The following PDSS2 variants were observed in gnomAD, a reference collection of about 807,000 sequenced individuals.
PDSS2 encodes all trans-polyprenyl-diphosphate synthase PDSS2.
PDSS2 carries 31 observed loss-of-function variants against 44.5 expected under a neutral mutation model. The observed-to-expected ratio is 0.70, with a 90% CI of 0.52 to 0.94. The LOEUF (loss-of-function observed/expected upper bound fraction) is 0.94. PDSS2 is among the 40% of genes least tolerant of loss of function. The pLI, the probability that PDSS2 is intolerant of heterozygous loss-of-function variation, is 0.00. For missense variants in PDSS2, 452 were observed against 482.2 expected (o/e 0.94, Z 0.59); for synonymous variants, 157 against 180.3 (o/e 0.87, Z 1.03).
chr6:107,188,371 C>T (rs907993551), intron 7 of PDSS2, among the ~76,000 whole-genome samples: 5 of 149,292 alleles, frequency 3.3e-5, no homozygotes, highest in African/African-American at 4.9e-5. Context: ...AGAGTGAGAC[C>T]CTGTCTCAAA....
At chr6:107,401,654 A>G (rs768848155) in intron 1 of PDSS2, among the ~76,000 whole-genome samples, 4 of 152,222 alleles carry the variant, frequency 2.6e-5, no homozygotes, top group Non-Finnish European at 4.4e-5. Context: ...AGAAATCTGA[A>G]AACCAATACA....
At chr6:107,247,192 A>T (rs1774650341) in intron 3 of PDSS2, among the ~76,000 whole-genome samples, 1 of 152,236 alleles carries the variant, frequency 6.6e-6, no homozygotes, top group Non-Finnish European at 1.5e-5. Context: ...ATACAGATCA[A>T]TCACTCACTA....
At chr6:107,354,861 C>G (rs1010188189) in intron 1 of PDSS2, among the ~76,000 whole-genome samples, 1 of 152,028 alleles carries the variant, frequency 6.6e-6, no homozygotes, top group Non-Finnish European at 1.5e-5. Context: ...GGTATCTGTC[C>G]TACATTCTCC....
chr6:107,449,604 G>T (rs1180383233), intron 1 of PDSS2, among the ~76,000 whole-genome samples: 1 of 152,106 alleles, frequency 6.6e-6, no homozygotes, highest in Non-Finnish European at 1.5e-5. Flanking sequence ...ATTTCACTCA[G>T]CATAATGTCC....
chr6:107,246,599 G>T (rs1381652184), intron 3 of PDSS2, among the ~76,000 whole-genome samples: 2 of 152,152 alleles, frequency 1.3e-5, no homozygotes, highest in African/African-American at 4.8e-5. Flanking sequence ...TTAAGCCAAA[G>T]AATACAGACC....
At chr6:107,220,510 A>T (rs998666737) in intron 4 of PDSS2, among the ~76,000 whole-genome samples, 1 of 152,164 alleles carries the variant, frequency 6.6e-6, no homozygotes, top group South Asian at 2.1e-4. Flanking sequence ...CAATATATAG[A>T]TATAACTATA....
At chr6:107,416,548 T>C (rs6921154) in intron 1 of PDSS2, among the ~76,000 whole-genome samples, 4,099 of 152,324 alleles carry the variant, frequency 0.027, 204 homozygotes, top group African/African-American at 0.094. Context: ...ATTATTTGCA[T>C]GAACACATAA....
chr6:107,308,355 T>G (rs1289019887), intron 2 of PDSS2, among the ~76,000 whole-genome samples: 1 of 152,244 alleles, frequency 6.6e-6, no homozygotes, highest in South Asian at 2.1e-4. Flanking sequence ...ATATCTACTA[T>G]GTGTTAGACC....
intron 7 of PDSS2, among the ~76,000 whole-genome samples, chr6:107,158,312 G>A (rs558869356): frequency 6.6e-6 from 1 of 151,832 alleles, no homozygotes; most frequent in African/African-American, 2.4e-5. Context: ...AGCCTCCCGA[G>A]TAGCTGGGAT....
chr6:107,210,830 C>A (rs1242065060), intron 5 of PDSS2, among the ~76,000 whole-genome samples: 1 of 146,282 alleles, frequency 6.8e-6, no homozygotes. Context: ...ATGGCGAAAC[C>A]CCATCTCTAC....
chr6:107,353,054 T>C (rs1239027604), intron 1 of PDSS2, among the ~76,000 whole-genome samples: 2 of 152,252 alleles, frequency 1.3e-5, no homozygotes, highest in Non-Finnish European at 2.9e-5. Context: ...TCAGAATTAC[T>C]ATTGTTATCC....
intron 1 of PDSS2, among the ~76,000 whole-genome samples, chr6:107,456,789 T>C (rs1382314080): frequency 1.3e-5 from 2 of 152,206 alleles, no homozygotes; most frequent in East Asian, 1.9e-4. Context: ...GCAATCTTTC[T>C]ACTTTGCCTC....
At chr6:107,288,766 T>G (rs1375481795) in intron 2 of PDSS2, among the ~76,000 whole-genome samples, 1 of 145,054 alleles carries the variant, frequency 6.9e-6, no homozygotes, top group African/African-American at 2.6e-5. Flanking sequence ...TTTTTTTTTT[T>G]TTTTTTTTTT....
At chr6:107,282,672 T>G (rs983017717) in intron 2 of PDSS2, among the ~76,000 whole-genome samples, 2 of 151,512 alleles carry the variant, frequency 1.3e-5, no homozygotes, top group African/African-American at 4.8e-5. Context: ...GAGGCCATCC[T>G]GGCTAACAGG....
At chr6:107,237,525 G>A (rs575011257) in intron 4 of PDSS2, among the ~76,000 whole-genome samples, 52 of 152,092 alleles carry the variant, frequency 3.4e-4, no homozygotes, top group African/African-American at 1.1e-3. Context: ...TTACAGGCAT[G>A]AGTCACCGTA....
chr6:107,430,853 A>G (rs934179253), intron 1 of PDSS2, among the ~76,000 whole-genome samples: 2 of 152,102 alleles, frequency 1.3e-5, no homozygotes, highest in African/African-American at 2.4e-5. Context: ...ATTCAGGGCC[A>G]CATGTTAACC....
chr6:107,293,789 C>A (rs540718519), intron 2 of PDSS2, among the ~76,000 whole-genome samples: 6 of 152,124 alleles, frequency 3.9e-5, no homozygotes, highest in Non-Finnish European at 1.5e-5. Flanking sequence ...AGTGGGCATA[C>A]ATACTTTGAT....
chr6:107,422,897 C>A (rs1780872373), intron 1 of PDSS2, among the ~76,000 whole-genome samples: 1 of 151,992 alleles, frequency 6.6e-6, no homozygotes, highest in Non-Finnish European at 1.5e-5. Context: ...AGCTAATGAG[C>A]GTTCTTTTAA....
At chr6:107,166,323 T>C (rs1229075895) in intron 7 of PDSS2, among the ~76,000 whole-genome samples, 4 of 151,934 alleles carry the variant, frequency 2.6e-5, no homozygotes, top group African/African-American at 7.3e-5. Flanking sequence ...GCTCTTATTA[T>C]TTTGAGATAT....
Sources: allele counts gnomAD v4.1 joint callset (sites outside exome capture counted in the v4.1 genomes callset), GRCh38; gene constraint gnomAD v4.1.1; transcripts MANE v1.5; gene names NCBI Gene and HGNC (gene_info 2026-07-23, HGNC 2026-07-21).